Variants in ORC4 observed in about 807,000 individuals in gnomAD.
ORC4 encodes origin recognition complex, subunit 4 homolog.
In ORC4, 55 loss-of-function variants were observed where a neutral mutation model predicts 63.9. That is an observed-to-expected ratio of 0.86 (90% CI 0.69 to 1.08). The LOEUF is 1.08. Among genes scored for constraint, ORC4 ranks in the 50% least tolerant of loss-of-function variants. The pLI is 0.00. For missense variants in ORC4, 511 were observed against 504.4 expected (o/e 1.01, Z -0.13); for synonymous variants, 150 against 168.5 (o/e 0.89, Z 0.85).
Position 147,973,686 on chromosome 2 carries a change from T to TA in ORC4, c.58-163dup, listed in dbSNP as rs3835751. Among the ~76,000 whole-genome samples, 49,571 of 152,018 alleles carry TA rather than the reference T, an allele frequency of 0.33. 8,348 individuals are homozygous for TA. The highest frequency in any genetic ancestry group is 0.51 in the East Asian group (2,659 of 5,172). On this transcript the variant is annotated intron_variant, in intron 2 of 13. Transcript: ENST00000392857. ...GAGTTCTGGCACCATTTTCATATGT[T>TA]AAAAAATTAATGGATTTCTTACCTA...
intron 1 of ORC4, among the ~76,000 whole-genome samples, chr2:147,988,818 T>G (rs1255447967): frequency 6.6e-6 from 1 of 151,112 alleles, no homozygotes; most frequent in Admixed American, 6.6e-5. Flanking sequence ...ATTTACTTCA[T>G]CTGGAATTTT....
chr2:147,983,286 T>C (rs1046134882), intron 1 of ORC4, among the ~76,000 whole-genome samples: 3 of 152,196 alleles, frequency 2.0e-5, no homozygotes, highest in Non-Finnish European at 2.9e-5. Context: ...ATAAATTTAT[T>C]CGTAATAGTC....
At chr2:147,954,945 G>A (rs1242020126) in intron 7 of ORC4, among the ~76,000 whole-genome samples, 3 of 151,886 alleles carry the variant, frequency 2.0e-5, no homozygotes, top group Admixed American at 2.0e-4. Context: ...GATCATCAAA[G>A]TATCTCTTCT....
chr2:147,993,658 A>T (rs973336779), intron 1 of ORC4, among the ~76,000 whole-genome samples: 3 of 152,166 alleles, frequency 2.0e-5, no homozygotes, highest in Non-Finnish European at 4.4e-5. Flanking sequence ...ATTTACAATG[A>T]AATAGGATTT....
At chr2:148,015,116 A>G (rs1390106240) in intron 1 of ORC4, among the ~76,000 whole-genome samples, 2 of 151,708 alleles carry the variant, frequency 1.3e-5, no homozygotes, top group African/African-American at 4.8e-5. Context: ...ACTAGGAGAA[A>G]AAAAAAAAAG....
Position 147,948,064 on chromosome 2 carries a change from T to A in ORC4, c.749A>T (p.Asn250Ile), listed in dbSNP as rs549402287. Residue 250 changes from asparagine to isoleucine, a missense_variant, in exon 9 of 14, where the codon AAT becomes ATT. Asn to Ile is a moderately radical substitution (Grantham distance 149). Coordinates refer to ENST00000392857, the MANE Select transcript of ORC4 (RefSeq NM_181741.4). ...CTTTTAAGATACCTGAACATTTTCA[T>A]TCCACTTCTCAGCAAAAACCTTGTC... is the stretch of plus-strand genomic sequence containing the variant. ...FPDKVFAEKW[N>I]ENVQYLSEDR... 3 of 1,611,452 alleles carry A rather than the reference T, an allele frequency of 1.9e-6. No homozygotes were observed. In the South Asian group the frequency reaches 3.3e-5, roughly 18 times the overall value.
intron 1 of ORC4, among the ~76,000 whole-genome samples, chr2:148,000,255 A>G (rs1994189): frequency 0.13 from 20,359 of 152,126 alleles, 1,679 homozygotes; most frequent in Middle Eastern, 0.21. Flanking sequence ...CTATAGACTC[A>G]TAATAAGTAA....
intron 4 of ORC4, among the ~76,000 whole-genome samples, chr2:147,964,802 A>G (rs2105330457): frequency 6.6e-6 from 1 of 152,272 alleles, no homozygotes; most frequent in African/African-American, 2.4e-5. Context: ...TTTTTAAATG[A>G]TATTTTAAAA....
At chr2:147,960,669 T>C (rs1558844222) in intron 4 of ORC4, among the ~76,000 whole-genome samples, 1 of 152,216 alleles carries the variant, frequency 6.6e-6, no homozygotes, top group Non-Finnish European at 1.5e-5. Flanking sequence ...AATATGCAAC[T>C]AGGAGAAATA....
chr2:147,952,255 C>T (rs1558837527), intron 8 of ORC4, 118 bp downstream of exon 8: 1 of 713,418 alleles, frequency 1.4e-6, no homozygotes. Flanking sequence ...ACACCAGGCA[C>T]TGCTGAAACA....
In ORC4 at chr2:148,004,132, A is replaced by G. The variant is rs552885238; in HGVS notation, c.-18+16501T>C. Among the ~76,000 whole-genome samples the G allele has an allele frequency of 2.0e-4, 30 of 152,354 alleles. 1 individual carries two copies. In the South Asian group the frequency reaches 6.0e-3, roughly 30 times the overall value. On this transcript the variant is annotated intron_variant, in intron 1 of 13. Transcript: ENST00000392857. Reference sequence around the variant, plus strand: ...AGAGGACACAAACAAATGGAAAAACATTCCATGCGCATGGATAGGAAGGAT... The same window carrying G: ...AGAGGACACAAACAAATGGAAAAACGTTCCATGCGCATGGATAGGAAGGAT...
At chr2:147,972,859 A>T (rs1490523056) in intron 3 of ORC4, 30 bp from the exon 4 acceptor site, 1 of 1,420,250 alleles carries the variant, frequency 7.0e-7, no homozygotes, top group Non-Finnish European at 9.9e-7. Flanking sequence ...ACAAAATTTT[A>T]AAAATGAAGC....
chr2:147,949,584 A>G lies in ORC4; in HGVS notation c.589-1360T>C, dbSNP rs1688841667. On this transcript the variant is annotated intron_variant, in intron 8 of 13. Coordinates refer to ENST00000392857, the MANE Select transcript of ORC4 (RefSeq NM_181741.4). ...ATTACATCTCAATAAAGCTGTTTTA[A>G]AAACAGTGACATGATATTTGATGAC... Among the ~76,000 whole-genome samples, 4 of 152,324 alleles carry G rather than the reference A, an allele frequency of 2.6e-5. No individual in the cohort carries two copies. In the South Asian group the frequency reaches 8.3e-4, roughly 32 times the overall value.
Position 147,964,288 on chromosome 2 carries a change from C to T in ORC4, c.226-5422G>A. The stretch of plus-strand genomic sequence containing the variant: ...AAAAAAACAAACAGAAATCCTACAG[C>T]TGAAGAAGTTAATGAATGAAATAGA... On this transcript the variant is annotated intron_variant, in intron 4 of 13. Transcript: ENST00000392857. Among the ~76,000 whole-genome samples the T allele has an allele frequency of 1.3e-5, 2 of 151,932 alleles. 1 individual carries two copies. The highest frequency in any genetic ancestry group is 2.9e-5 in the Non-Finnish European group (2 of 67,990).
chr2:148,006,733 TAAC>T (rs796303942), intron 1 of ORC4, among the ~76,000 whole-genome samples: 25 of 152,336 alleles, frequency 1.6e-4, no homozygotes, highest in African/African-American at 5.5e-4. Flanking sequence ...CACCACCTGC[TAAC>T]TAAAGTGGCC....
intron 4 of ORC4, among the ~76,000 whole-genome samples, chr2:147,961,201 A>G (rs1689571861): frequency 6.6e-6 from 1 of 152,126 alleles, no homozygotes; most frequent in South Asian, 2.1e-4. Context: ...GCACTTTGGA[A>G]GGCCAAGGTG....
In ORC4 at chr2:147,931,795, T is replaced by TG. The variant is rs1348698370; in HGVS notation, c.*3714dup. On this transcript the variant is annotated 3_prime_UTR_variant, in exon 14 of 14. Transcript: ENST00000392857. ...AAACTCTCAATAAATTAGGGATTGA[T>TG]GGGGTGTATTTCAAAATAATAAGAG... is the stretch of plus-strand genomic sequence containing the variant. 6.6e-6 allele frequency: 1 copy of TG among 152,000 alleles called. No homozygotes were observed. Among genetic ancestry groups the TG allele is most frequent in the African/African-American group, 2.4e-5 (1 of 41,366 alleles). 9.4% of individuals were successfully genotyped at this position (152,000 alleles called of 1,614,324 possible).
intron 1 of ORC4, among the ~76,000 whole-genome samples, chr2:147,983,442 C>T (rs983453380): frequency 2.0e-5 from 3 of 152,176 alleles, no homozygotes; most frequent in African/African-American, 7.2e-5. Flanking sequence ...CCCCTGGCTA[C>T]CCAGAATCCC....
At chr2:147,999,381 A>G (rs1223352638) in intron 1 of ORC4, among the ~76,000 whole-genome samples, 1 of 152,194 alleles carries the variant, frequency 6.6e-6, no homozygotes, top group African/African-American at 2.4e-5. Flanking sequence ...CTTCTTTCAC[A>G]TAGTTCTCAT....
Sources: allele counts gnomAD v4.1 joint callset (sites outside exome capture counted in the v4.1 genomes callset), GRCh38; gene constraint gnomAD v4.1.1; transcripts MANE v1.5; gene names NCBI Gene and HGNC (gene_info 2026-07-23, HGNC 2026-07-21).